Variants in ZNF208 observed in about 807,000 individuals in gnomAD.
ZNF208 encodes the protein zinc finger protein 95.
Under a neutral mutation model 12.1 loss-of-function variants are expected in ZNF208, and 10 were observed. That is an observed-to-expected ratio of 0.83 (90% CI 0.51 to 1.40). The LOEUF is 1.40. Ranked by LOEUF, ZNF208 falls within the 40% of genes most tolerant of loss-of-function variation. The pLI is 0.00. For synonymous variants in ZNF208, 497 were observed against 488.4 expected (o/e 1.02, Z -0.23); for missense variants, 1,652 against 1,485.0 (o/e 1.11, Z -1.85).
At chr19:21,987,986 T>C (rs1436456661) in intron 2 of ZNF208, among the ~76,000 whole-genome samples, 7 of 152,122 alleles carry the variant, frequency 4.6e-5, no homozygotes, top group Admixed American at 3.9e-4. Context: ...GGACTTTCTG[T>C]ACCCTACAGG....
chr19:21,980,950 T>A (rs1396302061), intron 3 of ZNF208, among the ~76,000 whole-genome samples: 1 of 152,032 alleles, frequency 6.6e-6, no homozygotes, highest in Non-Finnish European at 1.5e-5. Flanking sequence ...ACAAATAAAC[T>A]AGAAAATCTA....
rs267605386 is a variant in ZNF208 at position 21,972,680 on chromosome 19, G to C, written c.2354C>G (p.Ala785Gly). 5 of 1,610,110 alleles carry C rather than the reference G, an allele frequency of 3.1e-6. No individual in the cohort carries two copies. The Admixed American group carries it at 5.0e-5, about 16-fold the overall frequency. ...AATAAGGATTGCAGATCGGTTAAAA[G>C]CTTTGCCACATTCTTCACATTTGTA... ...KPYKCEECGKAFNRSAILIKH... is the reference protein window; with the variant it reads ...KPYKCEECGKGFNRSAILIKH... Residue 785 changes from alanine (A) to glycine (G), a missense_variant, in exon 4 of 4, where the codon GCT (alanine) becomes GGT (glycine). By Grantham distance (60) the Ala-to-Gly change is moderately conservative. This residue lies in a region of ZNF208 where 1,239 missense variants were observed against 1,086.2 expected (regional missense o/e 1.14). Transcript: ENST00000397126.
intron 1 of ZNF208, 71 bp from the exon 2 acceptor site, chr19:21,988,980 T>C (rs1017419832): frequency 1.0e-5 from 16 of 1,598,026 alleles, no homozygotes; most frequent in African/African-American, 6.8e-5. Flanking sequence ...CAAGGTAAAA[T>C]GCAGAGAGTA....
At chr19:21,999,042 T>A (rs1020102689) in intron 1 of ZNF208, among the ~76,000 whole-genome samples, 2 of 27,028 alleles carry the variant, frequency 7.4e-5, no homozygotes, top group South Asian at 5.0e-4. Context: ...ATGCTATAAT[T>A]TTATAGCATA....
At chr19:22,001,459 A>G (rs1352106634) in intron 1 of ZNF208, among the ~76,000 whole-genome samples, 1 of 152,228 alleles carries the variant, frequency 6.6e-6, no homozygotes, top group Non-Finnish European at 1.5e-5. Context: ...TACTAGAACA[A>G]TTTCAAAAGA....
At position 21,972,032 on chromosome 19, in the gene ZNF208, T is replaced by C. The variant is rs1970298920; in HGVS notation, c.3002A>G (p.Tyr1001Cys). Residue 1001 changes from tyrosine to cysteine, a missense_variant, in exon 4 of 4, where the codon TAC becomes TGC. Tyr to Cys is a radical substitution (Grantham distance 194, BLOSUM62 -2). Around this residue, in one of 3 missense-constraint regions of ZNF208, gnomAD observed 1,239 missense variants for 1,086.2 expected, o/e 1.14. Transcript: ENST00000397126. ...HKVIHTGEKP[Y>C]KCEECGKAFN... ...AGCTTTGCCACATTCTTCACATTTG[T>C]AGGGTTTCTCTCCAGTATGAATTAC... 3.1e-6 allele frequency: 5 copies of C among 1,613,922 alleles called. No individual in the cohort carries two copies. The highest frequency in any genetic ancestry group is 4.2e-6 in the Non-Finnish European group (5 of 1,179,930).
chr19:21,998,186 ACT>A (rs1401164164), intron 1 of ZNF208: 1 of 125,698 alleles, frequency 8.0e-6, no homozygotes, highest in Admixed American at 1.0e-4. Context: ...ACAGAGTCTC[ACT>A]CTGTCGCCCA....
chr19:21,940,286 A>C lies in ZNF208; in HGVS notation c.306-7049T>G, dbSNP rs373786946. 307 of 152,284 alleles carry C rather than the reference A, an allele frequency of 2.0e-3. 1 individual carries two copies. Among genetic ancestry groups the C allele is most frequent in the African/African-American group, 7.0e-3 (290 of 41,510 alleles). The allele number at this position is 152,284 out of a possible 1,614,324, so 9.4% of individuals were successfully genotyped here. A position where few individuals can be genotyped will look rare whatever the true frequency, so the allele number is the denominator to read the frequency against. On this transcript the variant is annotated intron_variant, in intron 4 of 4. Transcript: ENST00000599916. ...CCTTTGTAAATGGTCAAGCTATGCA[A>C]ACCAAGACTTTTTTAGTTATTATTG...
chr19:21,995,147 T>C (rs1970811052), intron 1 of ZNF208, among the ~76,000 whole-genome samples: 1 of 152,074 alleles, frequency 6.6e-6, no homozygotes, highest in Admixed American at 6.6e-5. Flanking sequence ...AGATGGGATT[T>C]CACCATGTTG....
chr19:21,976,762 T>C (rs558563826), intron 3 of ZNF208, among the ~76,000 whole-genome samples: 48 of 152,294 alleles, frequency 3.2e-4, no homozygotes, highest in African/African-American at 1.1e-3. Context: ...AGTTTTACCA[T>C]GTTGGCCAGG....
chr19:21,992,921 C>T (rs1599628261), intron 1 of ZNF208, among the ~76,000 whole-genome samples: 1 of 152,234 alleles, frequency 6.6e-6, no homozygotes, highest in South Asian at 2.1e-4. Flanking sequence ...TGATCTGAGA[C>T]ATGTTTAGCT....
chr19:21,964,855 A>G (rs1423879810), downstream of ZNF208, among the ~76,000 whole-genome samples: 2 of 151,920 alleles, frequency 1.3e-5, no homozygotes, highest in Non-Finnish European at 2.9e-5. Context: ...TCACTCACTT[A>G]CAATGGGGTT....
chr19:21,964,979 A>G (rs1369427493), downstream of ZNF208, among the ~76,000 whole-genome samples: 1 of 151,974 alleles, frequency 6.6e-6, no homozygotes, highest in African/African-American at 2.4e-5. Flanking sequence ...ATGTTACTAC[A>G]AGCCTATAAA....
intron 3 of ZNF208, among the ~76,000 whole-genome samples, chr19:21,985,253 A>G (rs969474916): frequency 2.0e-5 from 3 of 152,202 alleles, no homozygotes; most frequent in Non-Finnish European, 4.4e-5. Flanking sequence ...CAACAGCAAG[A>G]AAGTTTGTCA....
At chr19:21,944,543 T>A (rs2145510406) in intron 4 of ZNF208, among the ~76,000 whole-genome samples, 1 of 152,310 alleles carries the variant, frequency 6.6e-6, no homozygotes, top group East Asian at 1.9e-4. Context: ...TTCTTAAATA[T>A]ATACTATATT....
intron 4 of ZNF208, among the ~76,000 whole-genome samples, chr19:21,957,407 G>T (rs1969993305): frequency 6.6e-6 from 1 of 152,138 alleles, no homozygotes. Context: ...GGCTCTAATT[G>T]GGAGGGTTTG....
Position 21,973,775 on chromosome 19 carries a change from G to A in ZNF208, c.1259C>T (p.Thr420Ile). 6.2e-7 allele frequency: 1 copy of A among 1,605,422 alleles called. No homozygotes were observed. Among genetic ancestry groups the A allele is most frequent in the South Asian group, 1.1e-5 (1 of 90,722 alleles). Reference protein sequence around the residue: ...SILTKHEVIHTGEKPYKCEEC... With the variant: ...SILTKHEVIHIGEKPYKCEEC... ...TTCACATTTGTAGGGTTTCTCTCCA[G>A]TATGAATGACCTCATGTTTAGTAAG... Residue 420 changes from threonine (T) to isoleucine (I), a missense_variant, in exon 4 of 4, where the codon ACT (threonine) becomes ATT (isoleucine). Physicochemically the swap from Thr to Ile is moderately conservative, Grantham distance 89 (BLOSUM62 -1). Around this residue, in one of 3 missense-constraint regions of ZNF208, gnomAD observed 1,239 missense variants for 1,086.2 expected, o/e 1.14. Coordinates refer to ENST00000397126, the MANE Select transcript of ZNF208 (RefSeq NM_007153.3).
intron 1 of ZNF208, among the ~76,000 whole-genome samples, chr19:22,006,346 G>C (rs1971043844): frequency 6.6e-6 from 1 of 151,610 alleles, no homozygotes; most frequent in African/African-American, 2.4e-5. Context: ...TCCTCCTGTT[G>C]TAATACTCCT....
chr19:21,971,270 C>T lies in ZNF208; in HGVS notation c.3764G>A (p.Cys1255Tyr), dbSNP rs1186096528. The stretch of plus-strand genomic sequence containing the variant: ...GCTGAAGGCTTTGCCACATTCTTCA[C>T]ATTTGTAGGGTTTCTCTCCAGTATG... ...VIHTGEKPYK[C>Y]EECGKAFSWL... is the part of the protein sequence containing the mutation. The change falls in exon 4 of 4, where the codon TGT (cysteine) becomes TAT (tyrosine). Residue 1255 changes from cysteine to tyrosine, a missense_variant. Cys to Tyr is a radical substitution (Grantham distance 194). Coordinates refer to ENST00000397126, the MANE Select transcript of ZNF208 (RefSeq NM_007153.3). The T allele has an allele frequency of 6.2e-7, 1 of 1,612,406 alleles. No individual in the cohort carries two copies. The highest frequency in any genetic ancestry group is 1.3e-5 in the African/African-American group (1 of 74,994).
Sources: gnomAD v4.1 joint callset for allele counts (sites outside exome capture counted in the v4.1 genomes callset) on GRCh38, gnomAD v4.1.1 for gene constraint, gnomAD v4.1.1 regional missense constraint, MANE v1.5 for transcripts, NCBI Gene and HGNC (gene_info 2026-07-23, HGNC 2026-07-21) for gene names.